Variants in SLC25A37 observed in about 807,000 individuals in gnomAD.
The protein encoded by SLC25A37 is solute carrier family 25 member 37.
In SLC25A37, 17 loss-of-function variants were observed where a neutral mutation model predicts 31.0. The ratio of observed to expected loss-of-function variants is 0.55; its 90% CI spans 0.38 to 0.82. SLC25A37 has a LOEUF of 0.82. Among genes scored for constraint, SLC25A37 ranks in the 40% least tolerant of loss-of-function variants. SLC25A37 has a pLI of 0.00. For synonymous variants in SLC25A37, 222 were observed against 193.0 expected, an observed-to-expected ratio of 1.15 and a Z score of -1.24; for missense variants, 404 against 465.8, an observed-to-expected ratio of 0.87 and a Z score of 1.22.
At chr8:23,561,903 A>G (rs1192257074) in intron 1 of SLC25A37, among the ~76,000 whole-genome samples, 1 of 152,222 alleles carries the variant, frequency 6.6e-6, no homozygotes, top group Non-Finnish European at 1.5e-5. Context: ...TTTCCAGTCC[A>G]GGACACTGGG....
rs117593336 is a variant in SLC25A37, at chr8:23,573,500, C to G, written c.*1645C>G. 0.011 allele frequency: 2,518 copies of G among 227,032 alleles called. 26 individuals carry two copies. Among genetic ancestry groups the G allele is most frequent in the Middle Eastern group, 0.034 (63 of 1,880 alleles). The allele number at this position is 227,032 out of a possible 1,614,324, so 14.1% of individuals were successfully genotyped here. On this transcript the variant is annotated 3_prime_UTR_variant, in exon 4 of 4. Transcript: ENST00000519973. Reference sequence around the variant, plus strand: ...TTTCAGTGAGCCGGGTCCTGACCTGCCGCCACCCATCACGGTCAGCGTGGT... The same window carrying G: ...TTTCAGTGAGCCGGGTCCTGACCTGGCGCCACCCATCACGGTCAGCGTGGT...
chr8:23,571,599 C>T lies in SLC25A37; in HGVS notation c.761C>T (p.Pro254Leu). The change falls in exon 4 of 4, where the codon CCC (proline) becomes CTC (leucine). Residue 254 changes from proline to leucine, a missense_variant. By Grantham distance (98) the Pro-to-Leu change is moderately conservative. Transcript: ENST00000519973. ...AGALAAAATT[P>L]LDVCKTLLNT... ...GCCCTCGCCGCGGCCGCCACGACCC[C>T]CCTGGACGTCTGTAAGACCCTTCTG... is the stretch of plus-strand genomic sequence containing the variant. The T allele has an allele frequency of 1.2e-6, 2 of 1,613,896 alleles. No homozygotes were observed. Among genetic ancestry groups the T allele is most frequent in the Non-Finnish European group, 1.7e-6 (2 of 1,179,858 alleles).
At position 23,529,286 on chromosome 8, in the gene SLC25A37, C is replaced by T. The variant is rs979918133; in HGVS notation, c.210+74C>T. On this transcript the variant is annotated intron_variant, in intron 1 of 3. Coordinates refer to ENST00000519973, the MANE Select transcript of SLC25A37 (RefSeq NM_016612.4). This position sits in a 1 kb window ranked among gnomAD's most constrained non-coding sequence, Gnocchi z 4.1. ...GCGCGCGCATTTGCATCCCGCGCGC[C>T]GGCAGCCTCGGGGCAGCGTCCCGAA... 7.0e-7 allele frequency: 1 copy of T among 1,422,880 alleles called. No individual in the cohort carries two copies. The highest frequency in any genetic ancestry group is 9.4e-7 in the Non-Finnish European group (1 of 1,059,390). The allele number at this position is 1,422,880 out of a possible 1,614,324, so 88.1% of individuals were successfully genotyped here.
At chr8:23,557,997 C>G (rs1223359291) in intron 1 of SLC25A37, among the ~76,000 whole-genome samples, 1 of 152,176 alleles carries the variant, frequency 6.6e-6, no homozygotes, top group Non-Finnish European at 1.5e-5. Flanking sequence ...TTGTGCTGCT[C>G]ATGGTATCAC....
Position 23,573,820 on chromosome 8 carries a change from T to C in SLC25A37, c.*1965T>C. ...CTGGCAGTTAACGCCTTCTCCCTGC[T>C]CTGCCCCCCACTCCCCAAAACCAGT... On this transcript the variant is annotated 3_prime_UTR_variant, in exon 4 of 4. Coordinates refer to ENST00000519973, the MANE Select transcript of SLC25A37 (RefSeq NM_016612.4). 2.2e-6 allele frequency: 1 copy of C among 456,702 alleles called. No homozygotes were observed. Among genetic ancestry groups the C allele is most frequent in the Non-Finnish European group, 4.4e-6 (1 of 226,970 alleles). The allele number at this position is 456,702 out of a possible 1,614,324, so 28.3% of individuals were successfully genotyped here.
rs766994831 is a variant in SLC25A37, at chr8:23,571,552, C to T, written c.714C>T (p.Ile238=). ...PHRTYNPQSH[I]ISGGLAGALA... is the part of the protein sequence containing the mutation. Reference sequence around the variant, plus strand: ...GGACCTACAACCCGCAGTCCCACATCATCTCAGGCGGGCTGGCCGGGGCCC... The same window carrying T: ...GGACCTACAACCCGCAGTCCCACATTATCTCAGGCGGGCTGGCCGGGGCCC... Residue 238 remains isoleucine, a synonymous_variant, in exon 4 of 4, where the codon ATC becomes ATT. Coordinates refer to ENST00000519973, the MANE Select transcript of SLC25A37 (RefSeq NM_016612.4). The T allele has an allele frequency of 1.9e-5, 30 of 1,613,808 alleles. No homozygotes were observed. The highest frequency in any genetic ancestry group is 2.5e-5 in the Non-Finnish European group (30 of 1,179,862).
intron 1 of SLC25A37, among the ~76,000 whole-genome samples, chr8:23,544,768 A>C (rs919057556): frequency 6.6e-6 from 1 of 152,016 alleles, no homozygotes; most frequent in Admixed American, 6.5e-5. Context: ...TGCCACTGAC[A>C]CTCTAATCTG....
chr8:23,530,976 C>A (rs1228352586), intron 1 of SLC25A37, among the ~76,000 whole-genome samples: 2 of 152,204 alleles, frequency 1.3e-5, no homozygotes, highest in African/African-American at 4.8e-5. Context: ...TCAGATGTCA[C>A]CTGTATACTT....
intron 1 of SLC25A37, among the ~76,000 whole-genome samples, chr8:23,555,664 C>T (rs1347155606): frequency 6.6e-6 from 1 of 152,210 alleles, no homozygotes; most frequent in Non-Finnish European, 1.5e-5. Flanking sequence ...TGGCAGGAAT[C>T]CTCTGTGGTC....
chr8:23,556,856 G>A (rs10098490), intron 1 of SLC25A37, among the ~76,000 whole-genome samples: 99,514 of 151,732 alleles, frequency 0.66, 32,963 homozygotes, highest in East Asian at 0.75. Flanking sequence ...CTTATTTTGC[G>A]TGATTTTTTT....
rs538061576 is a variant in SLC25A37, at chr8:23,571,708, C to T, written c.870C>T (p.Tyr290=). The change falls in exon 4 of 4, where the codon TAC becomes TAT. Residue 290 remains tyrosine (Y), a synonymous_variant. Transcript: ENST00000519973. ...SGMANAFRTV[Y]QLNGLAGYFK... ...TGGCCAATGCCTTCCGGACGGTGTACCAGCTCAACGGCCTGGCCGGCTACT... is the reference window on the plus strand; with the variant it reads ...TGGCCAATGCCTTCCGGACGGTGTATCAGCTCAACGGCCTGGCCGGCTACT... 3.2e-5 allele frequency: 51 copies of T among 1,614,030 alleles called. No homozygotes were observed. In the Admixed American group the frequency reaches 4.3e-4, roughly 14 times the overall value.
At chr8:23,538,268 C>T (rs60615282) in intron 1 of SLC25A37, among the ~76,000 whole-genome samples, 14,613 of 150,248 alleles carry the variant, frequency 0.097, 2,079 homozygotes, top group African/African-American at 0.31. Context: ...GTAATCCCAG[C>T]TACTTGGGAG....
At chr8:23,545,764 T>C (rs1429323674) in intron 1 of SLC25A37, among the ~76,000 whole-genome samples, 1 of 152,180 alleles carries the variant, frequency 6.6e-6, no homozygotes, top group African/African-American at 2.4e-5. Flanking sequence ...CTCAGGAGGC[T>C]GAGGCAGGGG....
chr8:23,559,399 C>T (rs763942399), intron 1 of SLC25A37, among the ~76,000 whole-genome samples: 2 of 152,064 alleles, frequency 1.3e-5, no homozygotes, highest in Non-Finnish European at 2.9e-5. Context: ...TTAATCTCTG[C>T]CCTGTCTCTG....
At chr8:23,563,389 A>G (rs1037598790) in intron 1 of SLC25A37, among the ~76,000 whole-genome samples, 4 of 152,028 alleles carry the variant, frequency 2.6e-5, no homozygotes, top group Admixed American at 2.6e-4. Flanking sequence ...GTCTCAGTAT[A>G]TTGCCCAGGT....
At chr8:23,550,632 C>A (rs1426077847) in intron 1 of SLC25A37, among the ~76,000 whole-genome samples, 1 of 152,226 alleles carries the variant, frequency 6.6e-6, no homozygotes, top group African/African-American at 2.4e-5. Context: ...AGCTTACGCG[C>A]AGCTAGGTGA....
Position 23,571,454 on chromosome 8 carries a change from A to C in SLC25A37, c.616A>C (p.Thr206Pro). ...AFYRSYTTQL[T>P]MNIPFQSIHF... is the part of the protein sequence containing the mutation. Reference sequence around the variant, plus strand: ...CTACCGGAGCTACACCACGCAGCTGACCATGAACATCCCCTTCCAGTCCAT... The same window carrying C: ...CTACCGGAGCTACACCACGCAGCTGCCCATGAACATCCCCTTCCAGTCCAT... Residue 206 changes from threonine to proline, a missense_variant, in exon 4 of 4, where the codon ACC becomes CCC. Physicochemically the swap from Thr to Pro is conservative, Grantham distance 38 (BLOSUM62 -1). Transcript: ENST00000519973. 2 of 1,614,030 alleles carry C rather than the reference A, an allele frequency of 1.2e-6. No homozygotes were observed. The highest frequency in any genetic ancestry group is 1.7e-6 in the Non-Finnish European group (2 of 1,179,914).
At chr8:23,532,746 T>C (rs546336158) in intron 1 of SLC25A37, among the ~76,000 whole-genome samples, 3 of 152,286 alleles carry the variant, frequency 2.0e-5, no homozygotes, top group Admixed American at 2.0e-4. Context: ...CTGGCTGACC[T>C]TATGGTGTGC....
intron 1 of SLC25A37, among the ~76,000 whole-genome samples, chr8:23,552,777 T>C (rs1304433664): frequency 6.6e-6 from 1 of 152,144 alleles, no homozygotes; most frequent in East Asian, 1.9e-4. Flanking sequence ...AGCAAGTTGG[T>C]CAGAGGGGCG....
Sources: gnomAD v4.1 joint callset for allele counts (sites outside exome capture counted in the v4.1 genomes callset) on GRCh38, gnomAD v4.1.1 for gene constraint, Gnocchi (gnomAD v3.1) non-coding constraint, MANE v1.5 for transcripts, NCBI Gene and HGNC (gene_info 2026-07-23, HGNC 2026-07-21) for gene names.